COL11A1: variants seen among roughly 807,000 people sequenced by gnomAD.
The protein encoded by COL11A1 is collagen alpha-1(XI) chain.
In COL11A1, 74 loss-of-function variants were observed where a neutral mutation model predicts 265.2. The observed-to-expected ratio is 0.28, with a 90% CI of 0.23 to 0.34. COL11A1 has a LOEUF of 0.34. Ranked by LOEUF, COL11A1 falls within the 10% of genes least tolerant of loss-of-function variation. COL11A1 has a pLI of 1.00. For synonymous variants in COL11A1, 816 were observed against 727.6 expected, an observed-to-expected ratio of 1.12 and a Z score of -1.96; for missense variants, 2,165 against 2,263.6, an observed-to-expected ratio of 0.96 and a Z score of 0.88.
intron 38 of COL11A1, 115 bp from the exon 39 acceptor site, chr1:102,962,875 C>A: frequency 1.1e-6 from 1 of 907,716 alleles, no homozygotes; most frequent in South Asian, 1.4e-5. Context: ...CACTTATTCT[C>A]ATGATGTCCT....
chr1:103,041,324 C>T (rs1668791404), intron 4 of COL11A1, among the ~76,000 whole-genome samples: 1 of 151,788 alleles, frequency 6.6e-6, no homozygotes, highest in Non-Finnish European at 1.5e-5. Context: ...TCCTCCAACA[C>T]AATACCAGAT....
chr1:102,879,786 G>A lies in COL11A1; in HGVS notation c.5171C>T (p.Ser1724Leu). 1 of 1,613,950 alleles carries A rather than the reference G, an allele frequency of 6.2e-7. No individual in the cohort carries two copies. Among genetic ancestry groups the A allele is most frequent in the East Asian group, 2.2e-5 (1 of 44,864 alleles). ...AAGTGCTTTGTCATAACTTCCTGAT[G>A]ACACATCATACCAGGCTGCTGACTG... ...CHQSAAWYDVSSGSYDKALRF... is the reference protein window; with the variant it reads ...CHQSAAWYDVLSGSYDKALRF... Residue 1724 changes from serine to leucine, a missense_variant, in exon 66 of 67, where the codon TCA (serine) becomes TTA (leucine). By Grantham distance (145) the Ser-to-Leu change is moderately radical (BLOSUM62 -2). Transcript: ENST00000370096.
At chr1:102,954,127 A>G (rs1398770808) in intron 41 of COL11A1, among the ~76,000 whole-genome samples, 1 of 152,210 alleles carries the variant, frequency 6.6e-6, no homozygotes, top group African/African-American at 2.4e-5. Context: ...CATGCTTTTA[A>G]AAGGGAAGAA....
chr1:103,060,917 T>C (rs72987830), intron 4 of COL11A1, among the ~76,000 whole-genome samples: 2,048 of 152,150 alleles, frequency 0.013, 46 homozygotes, highest in African/African-American at 0.046. Flanking sequence ...TATATATAAT[T>C]GCCTTAAATA....
intron 41 of COL11A1, among the ~76,000 whole-genome samples, chr1:102,950,462 A>T (rs139625823): frequency 8.9e-4 from 136 of 152,254 alleles, no homozygotes; most frequent in African/African-American, 3.1e-3. Context: ...GAACTCTGAA[A>T]TAGTGTGGGT....
chr1:103,063,276 GA>G (rs1428023079), intron 4 of COL11A1, among the ~76,000 whole-genome samples: 3 of 151,838 alleles, frequency 2.0e-5, no homozygotes, highest in Non-Finnish European at 4.4e-5. Context: ...TAAAGGTAAA[GA>G]ACAAAGACAG....
intron 49 of COL11A1, among the ~76,000 whole-genome samples, chr1:102,918,401 A>C (rs1277981955): frequency 1.3e-5 from 2 of 151,986 alleles, no homozygotes; most frequent in Admixed American, 1.3e-4. Flanking sequence ...AACAGGTTAA[A>C]TATATTTAGA....
intron 4 of COL11A1, among the ~76,000 whole-genome samples, chr1:103,060,557 A>G (rs964486457): frequency 6.6e-6 from 1 of 152,204 alleles, no homozygotes; most frequent in African/African-American, 2.4e-5. Context: ...TTGCAATGAC[A>G]GAAAAGGCAG....
chr1:103,046,877 G>T (rs1238810836), intron 4 of COL11A1, among the ~76,000 whole-genome samples: 10 of 151,900 alleles, frequency 6.6e-5, no homozygotes, highest in South Asian at 4.2e-4. Flanking sequence ...TTTCCCCATT[G>T]CTTGTTTTTG....
At chr1:103,078,993 T>C (rs1571230261) in intron 2 of COL11A1, 122 bp from the exon 3 acceptor site, 31 of 688,106 alleles carry the variant, frequency 4.5e-5, no homozygotes, top group Non-Finnish European at 7.7e-5. Context: ...CTTTGAATAG[T>C]AAACAGATTA....
chr1:103,051,554 G>A (rs1309225648), intron 4 of COL11A1, among the ~76,000 whole-genome samples: 1 of 152,160 alleles, frequency 6.6e-6, no homozygotes, highest in East Asian at 1.9e-4. Context: ...GTGCTTCCCG[G>A]GTAAGGTGAT....
Position 102,900,584 on chromosome 1 carries a change from T to C in COL11A1, c.4087-1590A>G, listed in dbSNP as rs146825024. 3.3e-3 allele frequency among the ~76,000 whole-genome samples: 502 copies of C among 152,164 alleles called. 1 individual carries two copies. Among genetic ancestry groups the C allele is most frequent in the Non-Finnish European group, 4.9e-3 (336 of 67,978 alleles). ...AAAGATTGCATTTACAAACATGAAGTTTATAGTAGAAAAGATATATCAATA... is the reference window on the plus strand; with the variant it reads ...AAAGATTGCATTTACAAACATGAAGCTTATAGTAGAAAAGATATATCAATA... On this transcript the variant is annotated intron_variant, in intron 54 of 66. Transcript: ENST00000370096.
chr1:103,014,850 A>T (rs1038971892), intron 12 of COL11A1, among the ~76,000 whole-genome samples: 2 of 152,058 alleles, frequency 1.3e-5, no homozygotes, highest in African/African-American at 4.8e-5. Flanking sequence ...AAATGCTATA[A>T]TTTCTATACC....
At position 102,987,622 on chromosome 1, in the gene COL11A1, C is replaced by A. The variant is rs200221894; in HGVS notation, c.2502+11G>T. The A allele has an allele frequency of 3.7e-6, 6 of 1,606,114 alleles. No homozygotes were observed. The highest frequency in any genetic ancestry group is 4.5e-5 in the East Asian group (2 of 44,810). ...GCAAGAGTACCAGTGAATTTAAAGTCATTTACCAACCTTTTCTCCTGCTTG... is the reference window on the plus strand; with the variant it reads ...GCAAGAGTACCAGTGAATTTAAAGTAATTTACCAACCTTTTCTCCTGCTTG... On this transcript the variant is annotated intron_variant, in intron 30 of 66. Coordinates refer to ENST00000370096, the MANE Select transcript of COL11A1 (RefSeq NM_001854.4).
intron 4 of COL11A1, among the ~76,000 whole-genome samples, chr1:103,044,027 C>A (rs1669044931): frequency 6.6e-6 from 1 of 152,020 alleles, no homozygotes; most frequent in Admixed American, 6.6e-5. Context: ...TTTTTGATTG[C>A]ATATACAAGG....
At chr1:103,043,051 T>C (rs892967386) in intron 4 of COL11A1, among the ~76,000 whole-genome samples, 4 of 136,664 alleles carry the variant, frequency 2.9e-5, no homozygotes, top group African/African-American at 9.0e-5. Context: ...ATCATATATA[T>C]GAAACATATA....
intron 4 of COL11A1, among the ~76,000 whole-genome samples, chr1:103,046,836 T>C (rs970870116): frequency 8.6e-5 from 13 of 151,736 alleles, no homozygotes; most frequent in African/African-American, 2.7e-4. Context: ...CTAGCCAGTT[T>C]TCCCAGCACC....
chr1:103,087,953 G>C (rs938995836), intron 1 of COL11A1, among the ~76,000 whole-genome samples: 1 of 152,104 alleles, frequency 6.6e-6, no homozygotes, highest in African/African-American at 2.4e-5. Context: ...AAATCCTCAG[G>C]CTATCTAGTG....
Position 102,877,218 on chromosome 1 carries a change from T to C in COL11A1, c.*801A>G, listed in dbSNP as rs1029501861. ...AAAATATAAACTTGCTTGTTTTCCATATATACAAGTATCCTGTGAAATCCT... is the reference window on the plus strand; with the variant it reads ...AAAATATAAACTTGCTTGTTTTCCACATATACAAGTATCCTGTGAAATCCT... On this transcript the variant is annotated 3_prime_UTR_variant, in exon 67 of 67. Coordinates refer to ENST00000370096, the MANE Select transcript of COL11A1 (RefSeq NM_001854.4). The C allele has an allele frequency of 2.0e-5, 3 of 152,562 alleles. No homozygotes were observed. Among genetic ancestry groups the C allele is most frequent in the African/African-American group, 7.2e-5 (3 of 41,458 alleles). The allele number at this position is 152,562 out of a possible 1,614,324, so 9.5% of individuals were successfully genotyped here. A position where few individuals can be genotyped will look rare whatever the true frequency, so the allele number is the denominator to read the frequency against.
Sources: gnomAD v4.1 joint callset for allele counts (sites outside exome capture counted in the v4.1 genomes callset) on GRCh38, gnomAD v4.1.1 for gene constraint, MANE v1.5 for transcripts, NCBI Gene and HGNC (gene_info 2026-07-23, HGNC 2026-07-21) for gene names.